Variants in PACSIN2 observed in about 807,000 individuals in gnomAD.
The protein encoded by PACSIN2 is protein kinase C and casein kinase substrate in neurons 2.
A neutral mutation model predicts 63.8 loss-of-function variants in PACSIN2; 25 were observed. The observed-to-expected ratio is 0.39, with a 90% CI of 0.29 to 0.55. PACSIN2 has a LOEUF of 0.55. PACSIN2 is among the 20% of genes least tolerant of loss of function. The pLI, the probability that PACSIN2 is intolerant of heterozygous loss-of-function variation, is 0.62. For synonymous variants in PACSIN2, 255 were observed against 256.2 expected (o/e 1.00, Z 0.05); for missense variants, 518 against 646.9 (o/e 0.80, Z 2.16).
At chr22:42,880,825 G>GA (rs956288752) in intron 7 of PACSIN2, among the ~76,000 whole-genome samples, 3 of 151,858 alleles carry the variant, frequency 2.0e-5, no homozygotes, top group Non-Finnish European at 4.4e-5. Context: ...CCCCTCTTTG[G>GA]GTATAATGGG....
intron 1 of PACSIN2, among the ~76,000 whole-genome samples, chr22:42,938,239 A>T (rs1932994734): frequency 6.6e-6 from 1 of 152,206 alleles, no homozygotes; most frequent in Non-Finnish European, 1.5e-5. Context: ...AGAAGGTATG[A>T]ATAGAGAATG....
intron 1 of PACSIN2, among the ~76,000 whole-genome samples, chr22:42,967,990 T>C (rs1421102858): frequency 6.6e-6 from 1 of 152,228 alleles, no homozygotes; most frequent in Non-Finnish European, 1.5e-5. Flanking sequence ...TTATATACAA[T>C]GATATACTCA....
intron 1 of PACSIN2, among the ~76,000 whole-genome samples, chr22:42,914,392 T>G (rs966805067): frequency 6.6e-6 from 1 of 152,054 alleles, no homozygotes; most frequent in African/African-American, 2.4e-5. Context: ...GCCACCACGC[T>G]CGGCTAATTT....
intron 1 of PACSIN2, among the ~76,000 whole-genome samples, chr22:43,010,398 A>ATATATATATATATATATATATATTTTT: frequency 2.8e-3 from 354 of 126,302 alleles, no homozygotes; most frequent in Non-Finnish European, 4.9e-3. Flanking sequence ...ATATATATAT[A>ATATATATATATATATATATATATTTTT]TTTTTTTTTA....
intron 1 of PACSIN2, among the ~76,000 whole-genome samples, chr22:43,000,874 A>G (rs539861773): frequency 2.6e-5 from 4 of 152,332 alleles, no homozygotes; most frequent in African/African-American, 9.6e-5. Context: ...CTTTCTTCCC[A>G]TGGCTTACAG....
intron 1 of PACSIN2, among the ~76,000 whole-genome samples, chr22:42,974,720 G>A (rs1181037538): frequency 2.0e-5 from 3 of 146,564 alleles, no homozygotes; most frequent in Non-Finnish European, 4.5e-5. Context: ...CTGCACTCCA[G>A]CCTGGGCAAC....
At chr22:42,919,457 TTGAC>T (rs1241181473) in intron 1 of PACSIN2, among the ~76,000 whole-genome samples, 1 of 152,202 alleles carries the variant, frequency 6.6e-6, no homozygotes, top group East Asian at 1.9e-4. Context: ...CACCCAGTGG[TTGAC>T]TGATTATTTC....
chr22:42,956,847 G>T (rs1933936551), intron 1 of PACSIN2, among the ~76,000 whole-genome samples: 1 of 152,124 alleles, frequency 6.6e-6, no homozygotes, highest in Admixed American at 6.6e-5. Flanking sequence ...CACAAGCACA[G>T]CAACATTTAT....
intron 1 of PACSIN2, among the ~76,000 whole-genome samples, chr22:42,996,772 G>A (rs2146911863): frequency 6.6e-6 from 1 of 152,188 alleles, no homozygotes; most frequent in East Asian, 1.9e-4. Flanking sequence ...TATTTCTGAT[G>A]GTGTCCTCAG....
intron 10 of PACSIN2, among the ~76,000 whole-genome samples, chr22:42,875,326 GTTTA>G (rs965534355): frequency 6.6e-6 from 1 of 151,960 alleles, no homozygotes; most frequent in Non-Finnish European, 1.5e-5. Flanking sequence ...ACTTTTGTTT[GTTTA>G]TTTATTTGAG....
intron 1 of PACSIN2, among the ~76,000 whole-genome samples, chr22:43,007,712 C>T (rs963435135): frequency 1.3e-5 from 2 of 152,166 alleles, no homozygotes; most frequent in Admixed American, 1.3e-4. Context: ...TATCTGGTAC[C>T]GCCACAATGA....
chr22:42,987,388 C>T (rs1028774786), intron 1 of PACSIN2, among the ~76,000 whole-genome samples: 1 of 150,538 alleles, frequency 6.6e-6, no homozygotes, highest in Admixed American at 6.6e-5. Context: ...TGGCTCTGCC[C>T]GAGGGACCTC....
intron 2 of PACSIN2, among the ~76,000 whole-genome samples, chr22:42,899,549 G>A (rs556791028): frequency 2.0e-5 from 3 of 152,342 alleles, no homozygotes; most frequent in South Asian, 4.1e-4. Context: ...AAGGCCAAGT[G>A]TGGGCAGAGG....
chr22:43,014,652 A>C (rs1601630871), intron 1 of PACSIN2, among the ~76,000 whole-genome samples: 33 of 118,352 alleles, frequency 2.8e-4, no homozygotes, highest in South Asian at 1.1e-3. Flanking sequence ...CACCTCCCCC[A>C]CTCATTAGCA....
At chr22:42,985,064 C>A (rs918768405) in intron 1 of PACSIN2, among the ~76,000 whole-genome samples, 4 of 152,188 alleles carry the variant, frequency 2.6e-5, no homozygotes, top group African/African-American at 9.7e-5. Context: ...TGTGGTGGCT[C>A]ACGCCTGTAA....
chr22:42,936,309 G>A lies in PACSIN2; in HGVS notation c.-77-24152C>T, dbSNP rs372883557. ...TTCTGAGGATTCACTTAGATCATGCGGGGAAATACCTGTCTCTCATCTGGC... is the reference window on the plus strand; with the variant it reads ...TTCTGAGGATTCACTTAGATCATGCAGGGAAATACCTGTCTCTCATCTGGC... On this transcript the variant is annotated intron_variant, in intron 1 of 10. Transcript: ENST00000263246. Among the ~76,000 whole-genome samples the A allele has an allele frequency of 3.3e-5, 5 of 152,116 alleles. 1 individual carries two copies. Among genetic ancestry groups the A allele is most frequent in the South Asian group, 4.2e-4 (2 of 4,810 alleles).
Position 42,927,876 on chromosome 22 carries a change from C to T in PACSIN2, c.-77-15719G>A, listed in dbSNP as rs192481413. On this transcript the variant is annotated intron_variant, in intron 1 of 10. Coordinates refer to ENST00000263246, the MANE Select transcript of PACSIN2 (RefSeq NM_001184970.3). ...TGCTACAATTACAGGCGTGAGCCAC[C>T]GTGCCCGGCCTCAGTCATTTTTAAT... Among the ~76,000 whole-genome samples the T allele has an allele frequency of 3.5e-3, 540 of 152,300 alleles. 1 individual carries two copies. Among genetic ancestry groups the T allele is most frequent in the Non-Finnish European group, 5.9e-3 (400 of 68,018 alleles).
chr22:42,933,864 T>C (rs1379427178), intron 1 of PACSIN2, among the ~76,000 whole-genome samples: 3 of 152,146 alleles, frequency 2.0e-5, no homozygotes, highest in African/African-American at 7.2e-5. Context: ...GATGCTGAAG[T>C]GTGTGAAAGT....
intron 1 of PACSIN2, among the ~76,000 whole-genome samples, chr22:42,933,995 T>C (rs1173090034): frequency 6.6e-6 from 1 of 152,180 alleles, no homozygotes; most frequent in East Asian, 1.9e-4. Flanking sequence ...AAAGCTACAA[T>C]GACTCACACT....
Sources: gnomAD v4.1 joint callset for allele counts (sites outside exome capture counted in the v4.1 genomes callset) on GRCh38, gnomAD v4.1.1 for gene constraint, MANE v1.5 for transcripts, NCBI Gene and HGNC (gene_info 2026-07-23, HGNC 2026-07-21) for gene names.